LMTK3: variants seen among roughly 807,000 people sequenced by gnomAD.
The protein encoded by LMTK3 is serine/threonine-protein kinase LMTK3.
Under a neutral mutation model 116.7 loss-of-function variants are expected in LMTK3, and 27 were observed. The ratio of observed to expected loss-of-function variants is 0.23; its 90% CI spans 0.17 to 0.32. LMTK3 has a LOEUF of 0.32. Among genes scored for constraint, LMTK3 ranks in the 10% least tolerant of loss-of-function variants. The pLI is 1.00. For synonymous variants in LMTK3, 965 were observed against 971.0 expected, an observed-to-expected ratio of 0.99 and a Z score of 0.11; for missense variants, 1,764 against 2,068.5, an observed-to-expected ratio of 0.85 and a Z score of 2.86.
chr19:48,502,402 A>G, intron 7 of LMTK3, 31 bp downstream of exon 7: 1 of 1,597,338 alleles, frequency 6.3e-7, no homozygotes, highest in Admixed American at 1.7e-5. Flanking sequence ...TCCCCTTAGT[A>G]GCTCCTCCCG....
At position 48,494,452 on chromosome 19, in the gene LMTK3, C is replaced by T. The variant is rs1229609549; in HGVS notation, c.3677-343G>A. On this transcript the variant is annotated intron_variant, in intron 11 of 14. Coordinates refer to ENST00000600059, the MANE Select transcript of LMTK3 (RefSeq NM_001388485.1). The surrounding 1 kb of genome is among the most constrained non-coding windows in gnomAD (Gnocchi z 4.0). ...TGGGCCACCCCACCATTCCTCCCAC[C>T]GAATAGCTGGGACTACAGGCGCACG... is the stretch of plus-strand genomic sequence containing the variant. 6.6e-6 allele frequency among the ~76,000 whole-genome samples: 1 copy of T among 152,180 alleles called. No homozygotes were observed. Among genetic ancestry groups the T allele is most frequent in the Non-Finnish European group, 1.5e-5 (1 of 68,028 alleles).
Position 48,498,766 on chromosome 19 carries a change from G to A in LMTK3, c.2303C>T (p.Ala768Val), listed in dbSNP as rs1375804335. 10 of 1,472,134 alleles carry A rather than the reference G, an allele frequency of 6.8e-6. No homozygotes were observed. The highest frequency in any genetic ancestry group is 1.5e-5 in the African/African-American group (1 of 67,890). The allele number at this position is 1,472,134 out of a possible 1,614,324, so 91.2% of individuals were successfully genotyped here. A position where few individuals can be genotyped will look rare whatever the true frequency, so the allele number is the denominator to read the frequency against. ...CACGGCCGAAGGGGGGTCGGGGGAC[G>A]CGGCCGGGTCCGCGGGGGCCCGAGG... ...PPPRAPADPA[A>V]SPDPPSAVAS... The change falls in exon 11 of 15, where the codon GCG (alanine) becomes GTG (valine). Residue 768 changes from alanine to valine, a missense_variant. Physicochemically the swap from Ala to Val is moderately conservative, Grantham distance 64. Coordinates refer to ENST00000600059, the MANE Select transcript of LMTK3 (RefSeq NM_001388485.1).
chr19:48,491,490 G>T lies in LMTK3; in HGVS notation c.4142C>A (p.Thr1381Lys), dbSNP rs767257842. The T allele has an allele frequency of 1.2e-5, 17 of 1,410,772 alleles. No homozygotes were observed. The East Asian group carries it at 3.7e-4, about 31-fold the overall frequency. The allele number at this position is 1,410,772 out of a possible 1,614,324, so 87.4% of individuals were successfully genotyped here. The change falls in exon 13 of 15, where the codon ACG becomes AAG. Residue 1381 changes from threonine (T) to lysine (K), a missense_variant. By Grantham distance (78) the Thr-to-Lys change is moderately conservative. Around this residue, in one of 7 missense-constraint regions of LMTK3, gnomAD observed 281 missense variants for 301.4 expected, o/e 0.93. Transcript: ENST00000600059. The surrounding 1 kb of genome is among the most constrained non-coding windows in gnomAD (Gnocchi z 5.1). ...GGGCGCTGGAGGCGTTGACGGGTCC[G>T]TGTCCCCCTCGGGGGGGGCCTGGAC... ...LSVQAPPEGD[T>K]DPSTPPAPPT...
intron 5 of LMTK3, among the ~76,000 whole-genome samples, chr19:48,504,618 C>T (rs191659914): frequency 1.3e-5 from 2 of 151,664 alleles, no homozygotes; most frequent in African/African-American, 2.4e-5. Context: ...GGTGCAATCT[C>T]GGCTCACTGC....
Position 48,499,609 on chromosome 19 carries a change from C to T in LMTK3, c.1460G>A (p.Gly487Glu), listed in dbSNP as rs1362343700. 6.5e-7 allele frequency: 1 copy of T among 1,542,130 alleles called. No individual in the cohort carries two copies. Among genetic ancestry groups the T allele is most frequent in the South Asian group, 1.2e-5 (1 of 83,738 alleles). The change falls in exon 11 of 15, where the codon GGG becomes GAG. Residue 487 changes from glycine to glutamate, a missense_variant. This residue lies in a region of LMTK3 where 1,028 missense variants were observed against 1,050.6 expected (regional missense o/e 0.98). Transcript: ENST00000600059. The part of the protein sequence containing the change: ...LECLWEKARR[G>E]AGRGGGAPAW... Reference sequence around the variant, plus strand: ...AGGTGCCCCCCCACCCCGGCCGGCCCCACGCCGGGCCTTCTCCCACAGGCA... The same window carrying T: ...AGGTGCCCCCCCACCCCGGCCGGCCTCACGCCGGGCCTTCTCCCACAGGCA...
intron 14 of LMTK3, among the ~76,000 whole-genome samples, chr19:48,490,003 C>G (rs1371911119): frequency 6.7e-6 from 1 of 149,464 alleles, no homozygotes; most frequent in East Asian, 1.9e-4. Context: ...GTGCCCTGCT[C>G]TCCCAGAGTG....
Position 48,493,744 on chromosome 19 carries a change from G to A in LMTK3, c.4042C>T (p.Arg1348Cys). The A allele has an allele frequency of 6.4e-7, 1 of 1,572,600 alleles. No individual in the cohort carries two copies. The highest frequency in any genetic ancestry group is 8.6e-7 in the Non-Finnish European group (1 of 1,160,816). The change falls in exon 12 of 15, where the codon CGC becomes TGC. Residue 1348 changes from arginine (R) to cysteine (C), a missense_variant. Coordinates refer to ENST00000600059, the MANE Select transcript of LMTK3 (RefSeq NM_001388485.1). Reference protein sequence around the residue: ...EPEDSELERKRKMVSFHGDVT... With the variant: ...EPEDSELERKCKMVSFHGDVT... ...TCCCCGTGGAAGGAGACCATCTTGC[G>A]CTTCCTCTCCAGCTCGCTGTCCTCT...
At chr19:48,492,013 C>G (rs1385949624) in intron 12 of LMTK3, among the ~76,000 whole-genome samples, 2 of 151,416 alleles carry the variant, frequency 1.3e-5, no homozygotes, top group Non-Finnish European at 2.9e-5. Flanking sequence ...TAGACCTGCT[C>G]CCGCCCTCCA....
intron 14 of LMTK3, among the ~76,000 whole-genome samples, chr19:48,486,683 G>A (rs893389958): frequency 1.3e-5 from 2 of 151,878 alleles, no homozygotes; most frequent in East Asian, 2.0e-4. Context: ...GACTACAGGT[G>A]CCCACGACTA....
At position 48,498,178 on chromosome 19, in the gene LMTK3, A is replaced by T. The variant is rs1373865335; in HGVS notation, c.2891T>A (p.Leu964Gln). 1.2e-6 allele frequency: 2 copies of T among 1,612,286 alleles called. No homozygotes were observed. Among genetic ancestry groups the T allele is most frequent in the Admixed American group, 3.3e-5 (2 of 59,890 alleles). Residue 964 changes from leucine (L) to glutamine (Q), a missense_variant, in exon 11 of 15, where the codon CTG becomes CAG. By Grantham distance (113) the Leu-to-Gln change is moderately radical (BLOSUM62 -2). Transcript: ENST00000600059. ...REEKVLENGELTPPRREEKAL... is the reference protein window; with the variant it reads ...REEKVLENGEQTPPRREEKAL... ...TTTCTCCTCCCTCCTTGGGGGTGTCAGCTCCCCATTCTCCAGCACTTTCTC... is the reference window on the plus strand; with the variant it reads ...TTTCTCCTCCCTCCTTGGGGGTGTCTGCTCCCCATTCTCCAGCACTTTCTC...
chr19:48,492,795 C>T (rs1226879816), intron 12 of LMTK3, among the ~76,000 whole-genome samples: 1 of 152,066 alleles, frequency 6.6e-6, no homozygotes, highest in African/African-American at 2.4e-5. Context: ...CCCAGTACCC[C>T]CTCTTTCCTT....
chr19:48,486,832 C>T (rs531557318), intron 14 of LMTK3, among the ~76,000 whole-genome samples: 170 of 151,984 alleles, frequency 1.1e-3, no homozygotes, highest in Admixed American at 1.3e-3. Flanking sequence ...CCACTGAGCC[C>T]GGCCGAACCT....
intron 2 of LMTK3, 70 bp downstream of exon 2, chr19:48,510,389 C>T (rs1972636006): frequency 6.6e-7 from 1 of 1,526,290 alleles, no homozygotes. Flanking sequence ...TCCCCACCAA[C>T]CACCTGTGTA....
In LMTK3 at chr19:48,497,772, C is replaced by CTGGTCCCCGTTCTCCAGCACT; in HGVS notation, c.3296_3297insAGTGCTGGAGAACGGGGACCA (p.Pro1099_Arg1100insValLeuGluAsnGlyAspGln). ...CCAGCCTCCCAGCCCCTGGGGCTCT[C>CTGGTCCCCGTTCTCCAGCACT]GGCGCCCCCCCAGTCTCGGGGGCTC... is the stretch of plus-strand genomic sequence containing the variant. On this transcript the variant is annotated inframe_insertion, in exon 11 of 15. Coordinates refer to ENST00000600059, the MANE Select transcript of LMTK3 (RefSeq NM_001388485.1). The surrounding 1 kb of genome is among the most constrained non-coding windows in gnomAD (Gnocchi z 5.7). 1 of 1,375,710 alleles carries CTGGTCCCCGTTCTCCAGCACT rather than the reference C, an allele frequency of 7.3e-7. No homozygotes were observed. Among genetic ancestry groups the CTGGTCCCCGTTCTCCAGCACT allele is most frequent in the Non-Finnish European group, 9.3e-7 (1 of 1,070,470 alleles). The allele number at this position is 1,375,710 out of a possible 1,614,324, so 85.2% of individuals were successfully genotyped here. A position where few individuals can be genotyped will look rare whatever the true frequency, so the allele number is the denominator to read the frequency against.
At position 48,491,168 on chromosome 19, in the gene LMTK3, C is replaced by G; in HGVS notation, c.4306G>C (p.Val1436Leu). Residue 1436 changes from valine to leucine, a missense_variant, in exon 14 of 15, where the codon GTC becomes CTC. Val to Leu is a conservative substitution (Grantham distance 32). Coordinates refer to ENST00000600059, the MANE Select transcript of LMTK3 (RefSeq NM_001388485.1). The surrounding 1 kb of genome is among the most constrained non-coding windows in gnomAD (Gnocchi z 5.1). ...CCCGGGGTCTCCAGCGCAGGCGAGA[C>G]GGAGAAGCGGGAGAAGCACAGCGGG... Reference protein sequence around the residue: ...GPPLCFSRFSVSPALETPGPP... With the variant: ...GPPLCFSRFSLSPALETPGPP... 2 of 1,348,038 alleles carry G rather than the reference C, an allele frequency of 1.5e-6. No individual in the cohort carries two copies. Among genetic ancestry groups the G allele is most frequent in the South Asian group, 3.8e-5 (2 of 53,330 alleles). 83.5% of individuals were successfully genotyped at this position (1,348,038 alleles called of 1,614,324 possible).
intron 6 of LMTK3, 132 bp downstream of exon 6, chr19:48,502,777 G>C: frequency 1.2e-6 from 1 of 866,512 alleles, no homozygotes; most frequent in Middle Eastern, 2.2e-4. Context: ...CAGCACTCAT[G>C]AAATGTTAGC....
chr19:48,493,456 G>A (rs576454728), intron 12 of LMTK3, among the ~76,000 whole-genome samples: 50 of 137,868 alleles, frequency 3.6e-4, no homozygotes, highest in Middle Eastern at 0.011. Flanking sequence ...CTCCCTCCAG[G>A]CCCCGCATCA....
chr19:48,501,242 C>A (rs1168444845), intron 9 of LMTK3, 41 bp downstream of exon 9: 15 of 1,609,644 alleles, frequency 9.3e-6, no homozygotes, highest in African/African-American at 1.3e-5. Flanking sequence ...ACCCTTCCAC[C>A]TTCCTGGCCT....
intron 4 of LMTK3, 26 bp from the exon 5 acceptor site, chr19:48,508,995 G>A (rs1166237725): frequency 2.0e-6 from 3 of 1,508,208 alleles, no homozygotes; most frequent in Non-Finnish European, 1.8e-6. Context: ...CCAGGAGTCA[G>A]CGAGTGCCGT....
Sources: allele counts gnomAD v4.1 joint callset (sites outside exome capture counted in the v4.1 genomes callset), GRCh38; gene constraint gnomAD v4.1.1; regional missense constraint gnomAD v4.1.1; non-coding constraint Gnocchi (gnomAD v3.1); transcripts MANE v1.5; gene names NCBI Gene and HGNC (gene_info 2026-07-23, HGNC 2026-07-21).